The following WDR41 variants were observed in gnomAD, a reference collection of about 807,000 sequenced individuals.
The protein encoded by WDR41 is WD repeat-containing protein 41.
WDR41 carries 63 observed loss-of-function variants against 69.3 expected under a neutral mutation model. That is an observed-to-expected ratio of 0.91 (90% CI 0.74 to 1.12). WDR41 has a LOEUF of 1.12. WDR41 is among the 50% of genes most tolerant of loss of function. WDR41 has a pLI of 0.00. For synonymous variants in WDR41, 185 were observed against 192.1 expected (o/e 0.96, Z 0.31); for missense variants, 543 against 534.5 (o/e 1.02, Z -0.16).
At chr5:77,609,835 G>C (rs982825110) in intron 1 of WDR41, among the ~76,000 whole-genome samples, 70 of 152,172 alleles carry the variant, frequency 4.6e-4, no homozygotes, top group Non-Finnish European at 8.5e-4. Context: ...GAGAGAAGAA[G>C]GCTTCAGACA....
chr5:77,440,745 T>A (rs1389526028), intron 9 of WDR41, 68 bp downstream of exon 9: 1 of 1,491,276 alleles, frequency 6.7e-7, no homozygotes, highest in African/African-American at 1.4e-5. Flanking sequence ...TGGGATTAAA[T>A]TTTTAAAATC....
intron 1 of WDR41, among the ~76,000 whole-genome samples, chr5:77,620,098 G>T (rs925238972): frequency 6.6e-6 from 1 of 152,174 alleles, no homozygotes; most frequent in Non-Finnish European, 1.5e-5. Context: ...ACCAAAGAAA[G>T]AATATTTTCT....
chr5:77,578,208 C>T (rs970275617), intron 1 of WDR41, among the ~76,000 whole-genome samples: 2 of 152,060 alleles, frequency 1.3e-5, no homozygotes, highest in Admixed American at 6.5e-5. Flanking sequence ...CAGAGCAATA[C>T]GTACCCCCAG....
chr5:77,589,642 T>C (rs531640408), intron 1 of WDR41, among the ~76,000 whole-genome samples: 1 of 152,300 alleles, frequency 6.6e-6, no homozygotes, highest in East Asian at 1.9e-4. Context: ...AAAATTATCA[T>C]TTTAAAATTC....
intron 1 of WDR41, among the ~76,000 whole-genome samples, chr5:77,527,041 A>G (rs1328976937): frequency 6.6e-6 from 1 of 152,030 alleles, no homozygotes; most frequent in African/African-American, 2.4e-5. Context: ...CTTATGACAT[A>G]CCTAGAAAAT....
At chr5:77,523,962 A>G (rs1802410207) in intron 1 of WDR41, among the ~76,000 whole-genome samples, 1 of 152,210 alleles carries the variant, frequency 6.6e-6, no homozygotes, top group Admixed American at 6.5e-5. Context: ...GAATTGACAA[A>G]TGTTTCAAAT....
intron 1 of WDR41, among the ~76,000 whole-genome samples, chr5:77,614,958 C>T (rs749942711): frequency 9.9e-5 from 15 of 151,870 alleles, no homozygotes; most frequent in Non-Finnish European, 1.9e-4. Context: ...GGAAACTATG[C>T]TAGATTTTAA....
At chr5:77,525,749 CT>C (rs1802436334) in intron 1 of WDR41, among the ~76,000 whole-genome samples, 1 of 152,110 alleles carries the variant, frequency 6.6e-6, no homozygotes. Flanking sequence ...ACATTCAGAC[CT>C]ATAGGTAATA....
chr5:77,492,335 G>T, upstream of WDR41: 5 of 1,388,948 alleles, frequency 3.6e-6, no homozygotes, highest in Non-Finnish European at 4.9e-6. Context: ...AATACTTCCC[G>T]CCCCAGATCA....
chr5:77,509,547 C>A (rs188228143), intron 1 of WDR41, among the ~76,000 whole-genome samples: 1 of 152,054 alleles, frequency 6.6e-6, no homozygotes, highest in Non-Finnish European at 1.5e-5. Flanking sequence ...ACACAGGCTG[C>A]GACATTGATG....
intron 2 of WDR41, among the ~76,000 whole-genome samples, chr5:77,486,047 A>C (rs1408986345): frequency 6.6e-6 from 1 of 152,234 alleles, no homozygotes; most frequent in Non-Finnish European, 1.5e-5. Flanking sequence ...TAATTTGACA[A>C]TGCATAATGT....
At position 77,459,729 on chromosome 5, in the gene WDR41, C is replaced by G. The variant is rs542224372; in HGVS notation, c.349-605G>C. On this transcript the variant is annotated intron_variant, in intron 4 of 12. Coordinates refer to ENST00000296679, the MANE Select transcript of WDR41 (RefSeq NM_018268.4). ...ACATTTTACACCATGTCTGAAAACA[C>G]ATTTACATACATGTATGTACTACGT... is the stretch of plus-strand genomic sequence containing the variant. Among the ~76,000 whole-genome samples the G allele has an allele frequency of 1.6e-4, 24 of 152,320 alleles. No individual in the cohort carries two copies. The South Asian group carries it at 4.3e-3, about 28-fold the overall frequency.
At chr5:77,511,407 C>A (rs1180128265) in intron 1 of WDR41, among the ~76,000 whole-genome samples, 1 of 152,212 alleles carries the variant, frequency 6.6e-6, no homozygotes, top group African/African-American at 2.4e-5. Context: ...GTCTTTATCT[C>A]TAATGGCTTT....
At chr5:77,531,011 A>G (rs4432864) in intron 1 of WDR41, among the ~76,000 whole-genome samples, 7,538 of 151,914 alleles carry the variant, frequency 0.05, 312 homozygotes, top group South Asian at 0.13. Flanking sequence ...TTAACTCAAA[A>G]TGTATCAATC....
At chr5:77,537,580 G>T (rs1350994270) in intron 1 of WDR41, among the ~76,000 whole-genome samples, 1 of 152,294 alleles carries the variant, frequency 6.6e-6, no homozygotes, top group Middle Eastern at 3.4e-3. Context: ...TAGGGCAGAA[G>T]AAATATTGGC....
chr5:77,618,963 T>C (rs1363833442), intron 1 of WDR41, among the ~76,000 whole-genome samples: 4 of 152,190 alleles, frequency 2.6e-5, no homozygotes, highest in African/African-American at 9.6e-5. Flanking sequence ...ATAATTTGTG[T>C]GAAGAATTTA....
intron 1 of WDR41, among the ~76,000 whole-genome samples, chr5:77,617,786 T>C (rs931532047): frequency 4.6e-5 from 7 of 152,094 alleles, no homozygotes; most frequent in Non-Finnish European, 8.8e-5. Context: ...TAAGTAAAGT[T>C]TTAGAAAAAA....
intron 2 of WDR41, among the ~76,000 whole-genome samples, chr5:77,469,866 A>C (rs894093653): frequency 4.6e-5 from 7 of 152,190 alleles, no homozygotes; most frequent in Non-Finnish European, 5.9e-5. Flanking sequence ...AGGATATTAT[A>C]CAGGAGAACT....
At chr5:77,534,502 C>T (rs779967215) in intron 1 of WDR41, among the ~76,000 whole-genome samples, 13 of 151,414 alleles carry the variant, frequency 8.6e-5, no homozygotes, top group Middle Eastern at 3.2e-3. Context: ...GGTGTGATCT[C>T]GGCTCACTGC....
Sources: gnomAD v4.1 joint callset for allele counts (sites outside exome capture counted in the v4.1 genomes callset) on GRCh38, gnomAD v4.1.1 for gene constraint, MANE v1.5 for transcripts, NCBI Gene and HGNC (gene_info 2026-07-23, HGNC 2026-07-21) for gene names.